Variants in EBPL observed in about 807,000 individuals in gnomAD.
EBPL encodes EBP like, also known as emopamil-binding protein-like.
Under a neutral mutation model 19.0 loss-of-function variants are expected in EBPL, and 20 were observed. The observed-to-expected ratio is 1.05, with a 90% CI of 0.74 to 1.53. The LOEUF (loss-of-function observed/expected upper bound fraction) is 1.53. Ranked by LOEUF, EBPL falls within the 40% of genes most tolerant of loss-of-function variation. The pLI is 0.00. For missense variants in EBPL, 219 were observed against 261.1 expected (o/e 0.84, Z 1.11); for synonymous variants, 107 against 117.0 (o/e 0.91, Z 0.55).
intron 1 of EBPL, among the ~76,000 whole-genome samples, chr13:49,671,340 T>C (rs1162638896): frequency 6.6e-6 from 1 of 152,150 alleles, no homozygotes; most frequent in Non-Finnish European, 1.5e-5. Flanking sequence ...GATTTCACCA[T>C]GTGGGCCAGG....
intron 2 of EBPL, among the ~76,000 whole-genome samples, chr13:49,664,637 G>A (rs926060255): frequency 3.3e-5 from 5 of 152,120 alleles, no homozygotes; most frequent in African/African-American, 1.2e-4. Context: ...TGAAAAAATG[G>A]AAGTGATCAC....
intron 1 of EBPL, among the ~76,000 whole-genome samples, chr13:49,690,426 A>C (rs964222226): frequency 9.9e-5 from 15 of 151,746 alleles, no homozygotes; most frequent in South Asian, 8.3e-4. Flanking sequence ...TACAAAAAAA[A>C]AAAAAAACAA....
At chr13:49,678,641 G>C (rs994261213) in intron 1 of EBPL, among the ~76,000 whole-genome samples, 1 of 151,530 alleles carries the variant, frequency 6.6e-6, no homozygotes, top group African/African-American at 2.4e-5. Context: ...TGCGCAGCCC[G>C]GGTTCTCGCC....
intron 3 of EBPL, 71 bp from the exon 4 acceptor site, chr13:49,661,279 T>G: frequency 8.1e-7 from 1 of 1,229,128 alleles, no homozygotes. Flanking sequence ...CATGACATCT[T>G]GTCTGTAATG....
chr13:49,666,730 A>AC (rs1333190374), intron 2 of EBPL, among the ~76,000 whole-genome samples: 18 of 150,314 alleles, frequency 1.2e-4, no homozygotes, highest in African/African-American at 3.9e-4. Flanking sequence ...AAAAAAAAAA[A>AC]AAAACAAAAA....
rs763523319 is a variant in EBPL at position 49,661,920 on chromosome 13, C to T, written c.381-712G>A. The T allele has an allele frequency of 1.7e-5, 27 of 1,550,518 alleles. 1 individual carries two copies. The South Asian group carries it at 2.0e-4, about 12-fold the overall frequency. ...ATAGCAATCTATTCACCCCAGGCCA[C>T]TCTGTCCCTAAGGAAAGAAAAGGAA... On this transcript the variant is annotated intron_variant, in intron 3 of 3. Transcript: ENST00000242827.
chr13:49,665,114 T>A (rs1384426704), intron 2 of EBPL, among the ~76,000 whole-genome samples: 1 of 25,342 alleles, frequency 3.9e-5, no homozygotes, highest in African/African-American at 2.1e-4. Flanking sequence ...TGACCAAGTC[T>A]TTTTTTTTTT....
At chr13:49,666,438 G>A (rs1344529710) in intron 2 of EBPL, among the ~76,000 whole-genome samples, 1 of 151,964 alleles carries the variant, frequency 6.6e-6, no homozygotes, top group African/African-American at 2.4e-5. Flanking sequence ...CAGCCAGGGA[G>A]GGTGGCTCAC....
intron 3 of EBPL, chr13:49,661,720 G>A (rs962566013): frequency 2.2e-5 from 32 of 1,448,792 alleles, no homozygotes; most frequent in South Asian, 4.4e-5. Context: ...TGCAACCAGC[G>A]TCATGGAGTG....
rs550655304 is a variant in EBPL at position 49,666,016 on chromosome 13, G to A, written c.242-2821C>T. Among the ~76,000 whole-genome samples, 49 of 152,364 alleles carry A rather than the reference G, an allele frequency of 3.2e-4. 1 individual carries two copies. Among genetic ancestry groups the A allele is most frequent in the African/African-American group, 1.1e-3 (47 of 41,590 alleles). ...AACACACAAGACCCGACACTGGGCA[G>A]ATGAGATGGAGGAGGTTTATTAGTT... On this transcript the variant is annotated intron_variant, in intron 2 of 3. Coordinates refer to ENST00000242827, the MANE Select transcript of EBPL (RefSeq NM_032565.5).
At chr13:49,663,547 G>C (rs1375238933) in intron 2 of EBPL, among the ~76,000 whole-genome samples, 1 of 152,162 alleles carries the variant, frequency 6.6e-6, no homozygotes, top group Non-Finnish European at 1.5e-5. Context: ...CATGATCTTG[G>C]TAAATACATT....
At chr13:49,683,417 G>T (rs559198525) in intron 1 of EBPL, among the ~76,000 whole-genome samples, 1 of 152,182 alleles carries the variant, frequency 6.6e-6, no homozygotes, top group African/African-American at 2.4e-5. Flanking sequence ...TATAGTCCCA[G>T]CTACTTGGGA....
chr13:49,680,532 A>G lies in EBPL; in HGVS notation c.172-10686T>C, dbSNP rs542922234. ...AATGTTTGAAATTGTTCACTGTAAA[A>G]CTTAATTTTAAAAAGATACATAGGC... On this transcript the variant is annotated intron_variant, in intron 1 of 3. Transcript: ENST00000242827. 9.8e-5 allele frequency among the ~76,000 whole-genome samples: 15 copies of G among 152,310 alleles called. No individual in the cohort carries two copies. In the South Asian group the frequency reaches 3.1e-3, roughly 32 times the overall value.
At position 49,669,934 on chromosome 13, in the gene EBPL, C is replaced by A. The variant is rs980628299; in HGVS notation, c.172-88G>T. ...GACACATGGCATTGCCTGGCTCCAT[C>A]CCCCACCCTTCTCCATGGCTCACAT... is the stretch of plus-strand genomic sequence containing the variant. On this transcript the variant is annotated intron_variant, in intron 1 of 3. Coordinates refer to ENST00000242827, the MANE Select transcript of EBPL (RefSeq NM_032565.5). The A allele has an allele frequency of 4.0e-6, 4 of 994,746 alleles. No individual in the cohort carries two copies. In the African/African-American group the frequency reaches 6.5e-5, roughly 16 times the overall value. The allele number at this position is 994,746 out of a possible 1,614,324, so 61.6% of individuals were successfully genotyped here.
intron 2 of EBPL, 134 bp from the exon 3 acceptor site, chr13:49,663,329 A>ACTAAGGCATC: frequency 1.7e-6 from 2 of 1,162,650 alleles, no homozygotes; most frequent in Non-Finnish European, 2.4e-6. Flanking sequence ...ACGATGCCTT[A>ACTAAGGCATC]GTGGAAGGCA....
At chr13:49,661,498 C>T (rs1295940267) in intron 3 of EBPL, among the ~76,000 whole-genome samples, 1 of 152,144 alleles carries the variant, frequency 6.6e-6, no homozygotes, top group Non-Finnish European at 1.5e-5. Flanking sequence ...GGTGAGATCA[C>T]ACCTGACTTA....
At chr13:49,671,382 C>G (rs572874770) in intron 1 of EBPL, among the ~76,000 whole-genome samples, 1 of 152,186 alleles carries the variant, frequency 6.6e-6, no homozygotes, top group East Asian at 1.9e-4. Context: ...CAAGTGATTT[C>G]CCCACCTCGG....
chr13:49,678,352 C>T lies in EBPL; in HGVS notation c.172-8506G>A, dbSNP rs533881920. On this transcript the variant is annotated intron_variant, in intron 1 of 3. Coordinates refer to ENST00000242827, the MANE Select transcript of EBPL (RefSeq NM_032565.5). Reference sequence around the variant, plus strand: ...GCGCCGGCACTCCTCAGCCCTTGGGCGGTCAATCGGACAGGTCGCTGCGGA... The same window carrying T: ...GCGCCGGCACTCCTCAGCCCTTGGGTGGTCAATCGGACAGGTCGCTGCGGA... 5.3e-5 allele frequency among the ~76,000 whole-genome samples: 8 copies of T among 152,350 alleles called. 1 individual carries two copies. Among genetic ancestry groups the T allele is most frequent in the Admixed American group, 4.6e-4 (7 of 15,304 alleles).
chr13:49,677,865 T>C (rs1187497820), intron 1 of EBPL, among the ~76,000 whole-genome samples: 9 of 152,136 alleles, frequency 5.9e-5, no homozygotes, highest in Admixed American at 5.9e-4. Context: ...GTGTCAGAAG[T>C]TTGCTCCTTC....
Sources: allele counts gnomAD v4.1 joint callset (sites outside exome capture counted in the v4.1 genomes callset), GRCh38; gene constraint gnomAD v4.1.1; transcripts MANE v1.5; gene names NCBI Gene and HGNC (gene_info 2026-07-23, HGNC 2026-07-21).